PAIP2: variants seen among roughly 807,000 people sequenced by gnomAD.
The protein encoded by PAIP2 is polyadenylate-binding protein-interacting protein 2.
Under a neutral mutation model 14.8 loss-of-function variants are expected in PAIP2, and 7 were observed. That is an observed-to-expected ratio of 0.47 (90% CI 0.27 to 0.89). The LOEUF (loss-of-function observed/expected upper bound fraction) is 0.89. PAIP2 is among the 40% of genes least tolerant of loss of function. The probability of loss-of-function intolerance (pLI) is 0.13; values close to 1 mark genes in which losing one functional copy is unlikely to be tolerated. For missense variants in PAIP2, 122 were observed against 154.7 expected (o/e 0.79, Z 1.12); for synonymous variants, 47 against 45.3 (o/e 1.04, Z -0.15).
intron 1 of PAIP2, among the ~76,000 whole-genome samples, chr5:139,347,884 A>G (rs190025085): frequency 8.7e-4 from 133 of 152,232 alleles, no homozygotes; most frequent in Admixed American, 1.9e-3. Flanking sequence ...AATATAAGAA[A>G]CAACTCGGCC....
intron 1 of PAIP2, among the ~76,000 whole-genome samples, chr5:139,356,461 TAAATA>T (rs1381114874): frequency 6.6e-6 from 1 of 152,046 alleles, no homozygotes; most frequent in African/African-American, 2.4e-5. Context: ...AAATAATAAA[TAAATA>T]AAGTCTTTGT....
chr5:139,359,947 C>CA lies in PAIP2; in HGVS notation c.-26-3803dup, dbSNP rs571863015. ...GATTGCACCACTGTACTCTCCGTCT[C>CA]AAAAAAAAATGGGTAATTTTCTTCT... is the stretch of plus-strand genomic sequence containing the variant. On this transcript the variant is annotated intron_variant, in intron 1 of 3. Transcript: ENST00000265192. 8.5e-3 allele frequency among the ~76,000 whole-genome samples: 1,263 copies of CA among 148,846 alleles called. 7 individuals carry two copies. Among genetic ancestry groups the CA allele is most frequent in the Non-Finnish European group, 0.014 (957 of 67,114 alleles).
At chr5:139,354,967 G>A (rs1235211047) in intron 1 of PAIP2, among the ~76,000 whole-genome samples, 2 of 151,466 alleles carry the variant, frequency 1.3e-5, no homozygotes, top group Non-Finnish European at 2.9e-5. Flanking sequence ...CTACAGGCAC[G>A]TGCTACCACA....
intron 1 of PAIP2, among the ~76,000 whole-genome samples, chr5:139,344,691 T>C (rs1202449998): frequency 2.6e-5 from 4 of 152,158 alleles, no homozygotes; most frequent in Non-Finnish European, 4.4e-5. Context: ...TCTAATGTAC[T>C]TGAGCTTTTA....
In PAIP2 at chr5:139,353,248, A is replaced by C. The variant is rs570306599; in HGVS notation, c.-26-10511A>C. Among the ~76,000 whole-genome samples, 3 of 152,186 alleles carry C rather than the reference A, an allele frequency of 2.0e-5. No individual in the cohort carries two copies. In the South Asian group the frequency reaches 6.2e-4, roughly 32 times the overall value. The stretch of plus-strand genomic sequence containing the variant: ...TGTCTGTTTTCGGTCCTTAAAAGTC[A>C]TTCAAGCAAATTAGGGCCTTCTTTT... On this transcript the variant is annotated intron_variant, in intron 1 of 3. Coordinates refer to ENST00000265192, the MANE Select transcript of PAIP2 (RefSeq NM_016480.5).
intron 1 of PAIP2, among the ~76,000 whole-genome samples, chr5:139,362,469 G>A (rs1389552838): frequency 7.1e-6 from 1 of 141,498 alleles, no homozygotes. Context: ...GGAGTGCAAC[G>A]GCGCAATCTT....
At chr5:139,362,936 T>A (rs2152054220) in intron 1 of PAIP2, among the ~76,000 whole-genome samples, 1 of 152,272 alleles carries the variant, frequency 6.6e-6, no homozygotes, top group Non-Finnish European at 1.5e-5. Flanking sequence ...CTTCATTTAC[T>A]GTTATCGGAA....
At chr5:139,367,931 C>T (rs1428746202) in intron 3 of PAIP2, among the ~76,000 whole-genome samples, 2 of 152,224 alleles carry the variant, frequency 1.3e-5, no homozygotes, top group Non-Finnish European at 2.9e-5. Context: ...AGGCCGGGTG[C>T]AGTGGCTCAC....
At chr5:139,342,744 G>A (rs1183131105) in intron 1 of PAIP2, 1 of 152,166 alleles carries the variant, frequency 6.6e-6, no homozygotes, top group Non-Finnish European at 1.5e-5. Context: ...AATAAGGCTT[G>A]TGGTGAACTT....
chr5:139,357,173 C>T (rs1213112974), intron 1 of PAIP2, among the ~76,000 whole-genome samples: 1 of 152,312 alleles, frequency 6.6e-6, no homozygotes, highest in African/African-American at 2.4e-5. Flanking sequence ...TTGAGGCACA[C>T]CTTCAACAGC....
At chr5:139,359,067 C>A (rs991591323) in intron 1 of PAIP2, among the ~76,000 whole-genome samples, 2 of 152,054 alleles carry the variant, frequency 1.3e-5, no homozygotes, top group Admixed American at 1.3e-4. Flanking sequence ...GCCTTGACCT[C>A]GGGCTAATAT....
chr5:139,351,114 AAATAC>A (rs1425557075), intron 1 of PAIP2, among the ~76,000 whole-genome samples: 3 of 152,244 alleles, frequency 2.0e-5, no homozygotes, highest in African/African-American at 7.2e-5. Context: ...TGCAAAAATA[AAATAC>A]AATACATATA....
chr5:139,345,673 GC>G (rs1462943292), intron 1 of PAIP2, among the ~76,000 whole-genome samples: 1 of 150,496 alleles, frequency 6.6e-6, no homozygotes, highest in Non-Finnish European at 1.5e-5. Context: ...TGTTGCCCAG[GC>G]CTGAGTGCAG....
At chr5:139,343,636 T>C (rs1756447306) in intron 1 of PAIP2, among the ~76,000 whole-genome samples, 1 of 152,164 alleles carries the variant, frequency 6.6e-6, no homozygotes, top group African/African-American at 2.4e-5. Flanking sequence ...CCTTTTGTGC[T>C]TTTAAAACAT....
chr5:139,344,594 A>T (rs1355071643), intron 1 of PAIP2, among the ~76,000 whole-genome samples: 7 of 152,222 alleles, frequency 4.6e-5, no homozygotes, highest in Non-Finnish European at 1.5e-5. Context: ...TGTGTAGCCG[A>T]TGGCCACCAT....
intron 1 of PAIP2, 106 bp downstream of exon 1, chr5:139,342,086 C>A (rs184940025): frequency 2.2e-4 from 33 of 152,714 alleles, no homozygotes; most frequent in Admixed American, 1.9e-3. Flanking sequence ...GGTTGGCCAC[C>A]GAGTCCATTG....
At chr5:139,366,295 A>G (rs971280933) in intron 3 of PAIP2, among the ~76,000 whole-genome samples, 1 of 151,956 alleles carries the variant, frequency 6.6e-6, no homozygotes, top group Non-Finnish European at 1.5e-5. Context: ...CACTGAACTA[A>G]TCTGTACACC....
At chr5:139,368,073 C>T (rs568274216) in intron 3 of PAIP2, among the ~76,000 whole-genome samples, 1 of 152,238 alleles carries the variant, frequency 6.6e-6, no homozygotes, top group African/African-American at 2.4e-5. Flanking sequence ...CGGTGGCTTA[C>T]GCCTGTAATC....
chr5:139,346,163 G>C (rs1240870121), intron 1 of PAIP2, among the ~76,000 whole-genome samples: 1 of 152,178 alleles, frequency 6.6e-6, no homozygotes, highest in Non-Finnish European at 1.5e-5. Context: ...GGAAAAAATT[G>C]CTCTTACCTA....
Sources: gnomAD v4.1 joint callset for allele counts (sites outside exome capture counted in the v4.1 genomes callset) on GRCh38, gnomAD v4.1.1 for gene constraint, MANE v1.5 for transcripts, NCBI Gene and HGNC (gene_info 2026-07-23, HGNC 2026-07-21) for gene names.